ARMH3: variants seen among roughly 807,000 people sequenced by gnomAD.
The protein encoded by ARMH3 is armadillo like helical domain containing 3, also known as armadillo-like helical domain-containing protein 3.
A neutral mutation model predicts 99.1 loss-of-function variants in ARMH3; 60 were observed. The ratio of observed to expected loss-of-function variants is 0.61; its 90% CI spans 0.49 to 0.75. The LOEUF (loss-of-function observed/expected upper bound fraction) is 0.75. Ranked by LOEUF, ARMH3 falls within the 30% of genes least tolerant of loss-of-function variation. The pLI, the probability that ARMH3 is intolerant of heterozygous loss-of-function variation, is 0.00. For synonymous variants in ARMH3, 285 were observed against 292.8 expected, an observed-to-expected ratio of 0.97 and a Z score of 0.27; for missense variants, 679 against 843.1, an observed-to-expected ratio of 0.81 and a Z score of 2.41.
chr10:101,966,285 G>GTTTT (rs34196495), intron 20 of ARMH3, among the ~76,000 whole-genome samples: 7 of 80,660 alleles, frequency 8.7e-5, no homozygotes, highest in African/African-American at 2.8e-4. Context: ...TTTGGTTTGG[G>GTTTT]TTTTTTTTTT....
intron 19 of ARMH3, among the ~76,000 whole-genome samples, chr10:101,983,736 A>C (rs755271749): frequency 3.0e-4 from 45 of 152,224 alleles, no homozygotes; most frequent in Non-Finnish European, 1.3e-4. Flanking sequence ...CCTGGGCTCC[A>C]GACCCTTTCA....
chr10:101,890,293 G>A (rs1300055985), intron 23 of ARMH3, among the ~76,000 whole-genome samples: 1 of 151,482 alleles, frequency 6.6e-6, no homozygotes, highest in African/African-American at 2.4e-5. Context: ...ACCAAGTCTG[G>A]AATGCAGTGG....
intron 23 of ARMH3, among the ~76,000 whole-genome samples, chr10:101,924,638 A>G (rs1434451124): frequency 6.6e-6 from 1 of 151,486 alleles, no homozygotes; most frequent in Non-Finnish European, 1.5e-5. Context: ...TATAGGCGTG[A>G]GCCACCACGC....
At chr10:102,024,176 C>T (rs1303509501) in intron 6 of ARMH3, among the ~76,000 whole-genome samples, 1 of 152,180 alleles carries the variant, frequency 6.6e-6, no homozygotes, top group Non-Finnish European at 1.5e-5. Flanking sequence ...ACTACCTGAG[C>T]GCAGTGGCTC....
intron 17 of ARMH3, among the ~76,000 whole-genome samples, chr10:101,993,176 CAGA>C (rs1269671730): frequency 6.7e-6 from 1 of 150,180 alleles, no homozygotes; most frequent in Non-Finnish European, 1.5e-5. Flanking sequence ...GAGGCTGAGG[CAGA>C]AGAACTGCTT....
chr10:101,897,850 C>T (rs1277249624), intron 23 of ARMH3, among the ~76,000 whole-genome samples: 1 of 152,208 alleles, frequency 6.6e-6, no homozygotes, highest in Non-Finnish European at 1.5e-5. Context: ...ATAGAGGTCA[C>T]TTATACAGGC....
chr10:101,928,815 C>T (rs1430546866), intron 23 of ARMH3, among the ~76,000 whole-genome samples: 2 of 152,196 alleles, frequency 1.3e-5, no homozygotes, highest in African/African-American at 4.8e-5. Flanking sequence ...ACTGCAACCT[C>T]CATCTCCCGG....
intron 23 of ARMH3, among the ~76,000 whole-genome samples, chr10:101,928,301 C>T (rs1180999414): frequency 2.0e-5 from 3 of 152,144 alleles, no homozygotes; most frequent in African/African-American, 4.8e-5. Flanking sequence ...ATCTACAAGG[C>T]TTCAAATGAT....
At chr10:102,009,270 G>T in intron 13 of ARMH3, 104 bp downstream of exon 13, 1 of 1,048,230 alleles carries the variant, frequency 9.5e-7, no homozygotes, top group Non-Finnish European at 1.4e-6. Context: ...ACTTACCAAT[G>T]CAAAGCAGGG....
chr10:101,872,628 A>C (rs1219143209), intron 24 of ARMH3, among the ~76,000 whole-genome samples: 3 of 152,132 alleles, frequency 2.0e-5, no homozygotes, highest in Non-Finnish European at 4.4e-5. Flanking sequence ...AACTTGCTCT[A>C]GTCATCATGC....
chr10:102,011,462 C>A (rs1374294394), intron 11 of ARMH3, among the ~76,000 whole-genome samples: 2 of 151,800 alleles, frequency 1.3e-5, no homozygotes, highest in Non-Finnish European at 2.9e-5. Context: ...AAACTAAGTG[C>A]CAGAGAAACC....
Position 102,023,758 on chromosome 10 carries a change from A to G in ARMH3, c.508-9T>C. ...CTGATGTTATCTGTCACCTGAATGT[A>G]ATAAAAGGCTTTTTAAAGTCTGTTC... On this transcript the variant is annotated splice_polypyrimidine_tract_variant and intron_variant, in intron 6 of 25. Transcript: ENST00000370033. 1 of 1,612,852 alleles carries G rather than the reference A, an allele frequency of 6.2e-7. No homozygotes were observed. Among genetic ancestry groups the G allele is most frequent in the Non-Finnish European group, 8.5e-7 (1 of 1,178,846 alleles).
intron 24 of ARMH3, among the ~76,000 whole-genome samples, chr10:101,867,147 C>A (rs1258749822): frequency 2.0e-5 from 3 of 152,158 alleles, no homozygotes; most frequent in African/African-American, 7.2e-5. Flanking sequence ...AAGAAAAACA[C>A]CTAGTTTTTA....
intron 18 of ARMH3, 88 bp downstream of exon 18, chr10:101,991,881 G>T: frequency 8.4e-7 from 1 of 1,189,124 alleles, no homozygotes; most frequent in Non-Finnish European, 1.2e-6. Flanking sequence ...TGCGGAAGAA[G>T]CACATCAAAC....
chr10:101,881,376 C>T (rs886116085), intron 24 of ARMH3, among the ~76,000 whole-genome samples: 1 of 152,102 alleles, frequency 6.6e-6, no homozygotes, highest in Non-Finnish European at 1.5e-5. Context: ...TGTGCCCACT[C>T]TTAAAAACTG....
intron 24 of ARMH3, among the ~76,000 whole-genome samples, chr10:101,887,816 G>C (rs192126244): frequency 6.6e-6 from 1 of 151,718 alleles, no homozygotes; most frequent in Non-Finnish European, 1.5e-5. Flanking sequence ...CATTGAAATC[G>C]CTTCGTCTCT....
rs570072358 is a variant in ARMH3, at chr10:101,900,928, G to A, written c.1782-11438C>T. Among the ~76,000 whole-genome samples the A allele has an allele frequency of 1.2e-4, 19 of 152,150 alleles. 1 individual carries two copies. Among genetic ancestry groups the A allele is most frequent in the Admixed American group, 5.2e-4 (8 of 15,286 alleles). Reference sequence around the variant, plus strand: ...GAACCCAGGAGTTTGAGGTTACAGTGAGCTGTGATCATGCCACTGTACTCC... The same window carrying A: ...GAACCCAGGAGTTTGAGGTTACAGTAAGCTGTGATCATGCCACTGTACTCC... On this transcript the variant is annotated intron_variant, in intron 23 of 25. Coordinates refer to ENST00000370033, the MANE Select transcript of ARMH3 (RefSeq NM_024541.3).
chr10:101,945,673 G>A (rs909173465), intron 22 of ARMH3, among the ~76,000 whole-genome samples: 52 of 151,438 alleles, frequency 3.4e-4, no homozygotes, highest in African/African-American at 1.2e-3. Flanking sequence ...AGCTGAGAGC[G>A]TGCCTGGGTG....
chr10:101,917,031 T>C lies in ARMH3; in HGVS notation c.1781+22832A>G, dbSNP rs368417480. The stretch of plus-strand genomic sequence containing the variant: ...GATTCTACAGCTTGCAGACAGCATA[T>C]TGTGAAACAACTTGGCCTCCATAAT... On this transcript the variant is annotated intron_variant, in intron 23 of 25. Coordinates refer to ENST00000370033, the MANE Select transcript of ARMH3 (RefSeq NM_024541.3). Among the ~76,000 whole-genome samples the C allele has an allele frequency of 3.9e-5, 6 of 152,322 alleles. No individual in the cohort carries two copies. The East Asian group carries it at 7.7e-4, about 20-fold the overall frequency.
Sources: allele counts gnomAD v4.1 joint callset (sites outside exome capture counted in the v4.1 genomes callset), GRCh38; gene constraint gnomAD v4.1.1; transcripts MANE v1.5; gene names NCBI Gene and HGNC (gene_info 2026-07-23, HGNC 2026-07-21).